PRKG1: variants seen among roughly 807,000 people sequenced by gnomAD.
PRKG1 encodes cGMP-dependent protein kinase 1.
In PRKG1, 35 loss-of-function variants were observed where a neutral mutation model predicts 88.1. That is an observed-to-expected ratio of 0.40 (90% confidence interval 0.30 to 0.53). PRKG1 has a LOEUF of 0.53. Ranked by LOEUF, PRKG1 falls within the 20% of genes least tolerant of loss-of-function variation. The pLI, the probability that PRKG1 is intolerant of heterozygous loss-of-function variation, is 0.59. For missense variants in PRKG1, 540 were observed against 839.8 expected, an observed-to-expected ratio of 0.64 and a Z score of 4.41; for synonymous variants, 303 against 292.5, an observed-to-expected ratio of 1.04 and a Z score of -0.37.
chr10:51,848,016 A>G (rs1840448325), intron 4 of PRKG1, among the ~76,000 whole-genome samples: 1 of 150,422 alleles, frequency 6.6e-6, no homozygotes, highest in Non-Finnish European at 1.5e-5. Context: ...GCGTCCCTCT[A>G]AATTTCCTTA....
At chr10:51,822,039 T>A (rs536949154) in intron 4 of PRKG1, among the ~76,000 whole-genome samples, 1 of 152,140 alleles carries the variant, frequency 6.6e-6, no homozygotes, top group Admixed American at 6.6e-5. Flanking sequence ...AGACAGGGCA[T>A]GGAATTAATC....
intron 3 of PRKG1, among the ~76,000 whole-genome samples, chr10:51,752,045 A>G (rs753549665): frequency 7.9e-5 from 12 of 152,094 alleles, no homozygotes; most frequent in Non-Finnish European, 1.6e-4. Flanking sequence ...TAGTATTGCC[A>G]GTGTCTGTTT....
In PRKG1 at chr10:51,957,228, CTT is replaced by C. The variant is rs1466953203; in HGVS notation, c.762+49660_762+49661del. ...CTCCCTACCTCCCTCTCCTCTCTCT[CTT>C]TCTCTACTTCTCTCTTTTCTTTCAT... is the stretch of plus-strand genomic sequence containing the variant. On this transcript the variant is annotated intron_variant, in intron 5 of 17. Transcript: ENST00000373980. Among the ~76,000 whole-genome samples, 281 of 137,376 alleles carry C rather than the reference CTT, an allele frequency of 2.0e-3. 1 individual carries two copies. The highest frequency in any genetic ancestry group is 7.0e-3 in the African/African-American group (267 of 37,882). 90.1% of individuals were successfully genotyped at this position (137,376 alleles called of 152,430 possible).
intron 7 of PRKG1, among the ~76,000 whole-genome samples, chr10:52,129,833 A>G (rs1417053805): frequency 6.6e-6 from 1 of 152,198 alleles, no homozygotes; most frequent in Non-Finnish European, 1.5e-5. Context: ...TTTCATAATG[A>G]TGGACAGTGA....
intron 2 of PRKG1, among the ~76,000 whole-genome samples, chr10:51,268,555 T>C (rs1244748850): frequency 7.2e-6 from 1 of 139,328 alleles, no homozygotes; most frequent in East Asian, 1.9e-4. Flanking sequence ...ATGGCTCTGT[T>C]CTGCCCGGCT....
chr10:51,265,914 G>A (rs1230266684), intron 2 of PRKG1, among the ~76,000 whole-genome samples: 1 of 152,182 alleles, frequency 6.6e-6, no homozygotes, highest in Non-Finnish European at 1.5e-5. Context: ...GTGTATTTAA[G>A]GAACTACAGT....
intron 3 of PRKG1, among the ~76,000 whole-genome samples, chr10:51,798,914 T>C (rs1479282364): frequency 6.6e-6 from 1 of 152,076 alleles, no homozygotes. Flanking sequence ...CACTATTTTA[T>C]TTTCACTCAT....
chr10:51,373,146 A>G (rs2132612391), intron 2 of PRKG1, among the ~76,000 whole-genome samples: 1 of 152,336 alleles, frequency 6.6e-6, no homozygotes, highest in Admixed American at 6.5e-5. Context: ...GTGGTTTAAA[A>G]TAGAGATTCT....
chr10:52,086,215 C>T (rs1014306871), intron 7 of PRKG1, among the ~76,000 whole-genome samples: 4 of 152,004 alleles, frequency 2.6e-5, no homozygotes, highest in African/African-American at 4.8e-5. Flanking sequence ...GTTCTCCTTC[C>T]ACCTCTTATA....
rs548598995 is a variant in PRKG1 at position 52,294,031 on chromosome 10, A to T, written c.*131A>T. 337 of 668,576 alleles carry T rather than the reference A, an allele frequency of 5.0e-4. 3 individuals are homozygous for T. The highest frequency in any genetic ancestry group is 5.1e-4 in the South Asian group (26 of 50,582). The allele number at this position is 668,576 out of a possible 1,614,324, so 41.4% of individuals were successfully genotyped here. On this transcript the variant is annotated 3_prime_UTR_variant, in exon 18 of 18. Coordinates refer to ENST00000373980, the MANE Select transcript of PRKG1 (RefSeq NM_006258.4). ...TGATGCCTTTGATCGATGCTGCTCC[A>T]GTAACTACAGTGGCATTAGGACTTA...
chr10:51,007,885 A>G (rs956406885), intron 1 of PRKG1, among the ~76,000 whole-genome samples: 1 of 152,236 alleles, frequency 6.6e-6, no homozygotes, highest in African/African-American at 2.4e-5. Flanking sequence ...ATTGGCATGA[A>G]TTAATTTGCT....
At chr10:52,284,467 G>A (rs949965142) in intron 14 of PRKG1, among the ~76,000 whole-genome samples, 2 of 147,636 alleles carry the variant, frequency 1.4e-5, no homozygotes, top group Non-Finnish European at 3.0e-5. Flanking sequence ...CCAAAGAGAT[G>A]ATGGTGGTGG....
intron 9 of PRKG1, among the ~76,000 whole-genome samples, chr10:52,191,590 T>G (rs999804649): frequency 3.9e-5 from 6 of 152,300 alleles, no homozygotes; most frequent in African/African-American, 1.4e-4. Context: ...TAAACCTACA[T>G]GATTGATTAG....
intron 9 of PRKG1, among the ~76,000 whole-genome samples, chr10:52,251,102 G>A (rs982817094): frequency 2.0e-5 from 3 of 151,952 alleles, no homozygotes; most frequent in South Asian, 2.1e-4. Context: ...TGATCTTGCC[G>A]CTTTTAATAA....
At chr10:50,997,326 G>A (rs1842846185) in intron 1 of PRKG1, among the ~76,000 whole-genome samples, 1 of 152,132 alleles carries the variant, frequency 6.6e-6, no homozygotes, top group Non-Finnish European at 1.5e-5. Flanking sequence ...TAATACACCA[G>A]GAGTTCTTGT....
At chr10:51,697,594 G>A (rs1589211423) in intron 3 of PRKG1, 25 of 1,107,048 alleles carry the variant, frequency 2.3e-5, no homozygotes, top group Middle Eastern at 3.1e-4. Context: ...TAGGAGGAGG[G>A]AAACCCTAAT....
At chr10:51,867,553 C>G (rs1335647601) in intron 4 of PRKG1, among the ~76,000 whole-genome samples, 1 of 152,026 alleles carries the variant, frequency 6.6e-6, no homozygotes, top group Non-Finnish European at 1.5e-5. Flanking sequence ...TTTAAATCAA[C>G]TGGCCATGGT....
chr10:51,037,390 G>C (rs1257017736), intron 1 of PRKG1, among the ~76,000 whole-genome samples: 1 of 152,198 alleles, frequency 6.6e-6, no homozygotes, highest in Non-Finnish European at 1.5e-5. Flanking sequence ...TTTGAGCCTG[G>C]AAGGTCGAGG....
chr10:51,409,850 CAAA>C (rs71459417), intron 2 of PRKG1, among the ~76,000 whole-genome samples: 8 of 79,496 alleles, frequency 1.0e-4, no homozygotes, highest in Non-Finnish European at 1.6e-4. Context: ...GAGACTCTGT[CAAA>C]AAAAAAAAAA....
Sources: allele counts gnomAD v4.1 joint callset (sites outside exome capture counted in the v4.1 genomes callset), GRCh38; gene constraint gnomAD v4.1.1; transcripts MANE v1.5; gene names NCBI Gene and HGNC (gene_info 2026-07-23, HGNC 2026-07-21).